The following MAP2K2 variants were observed in gnomAD, a reference collection of about 807,000 sequenced individuals.
MAP2K2 encodes mitogen-activated protein kinase kinase 2, also known as dual specificity mitogen-activated protein kinase kinase 2.
A neutral mutation model predicts 43.7 loss-of-function variants in MAP2K2; 24 were observed. The ratio of observed to expected loss-of-function variants is 0.55; its 90% CI spans 0.40 to 0.77. MAP2K2 has a LOEUF of 0.77. Ranked by LOEUF, MAP2K2 falls within the 30% of genes least tolerant of loss-of-function variation. The probability of loss-of-function intolerance (pLI) is 0.00; values close to 1 mark genes in which losing one functional copy is unlikely to be tolerated. For synonymous variants in MAP2K2, 244 were observed against 239.7 expected (o/e 1.02, Z -0.17); for missense variants, 470 against 566.8 (o/e 0.83, Z 1.73).
chr19:4,121,534 C>T lies in MAP2K2; in HGVS notation c.92+2250G>A, dbSNP rs546011351. Among the ~76,000 whole-genome samples the T allele has an allele frequency of 8.5e-5, 12 of 140,602 alleles. No individual in the cohort carries two copies. In the East Asian group the frequency reaches 2.7e-3, roughly 31 times the overall value. 92.2% of individuals were successfully genotyped at this position (140,602 alleles called of 152,430 possible). A position where few individuals can be genotyped will look rare whatever the true frequency, so the allele number is the denominator to read the frequency against. On this transcript the variant is annotated intron_variant, in intron 1 of 10. Coordinates refer to ENST00000262948, the MANE Select transcript of MAP2K2 (RefSeq NM_030662.4). ...CCCCTCAGAACCCCAACATGAGACC[C>T]CTAGGACCCCCTGCTCTGCCCTCCC...
chr19:4,123,673 AC>A (rs1270733297), intron 1 of MAP2K2, 110 bp downstream of exon 1: 19 of 199,182 alleles, frequency 9.5e-5, no homozygotes, highest in African/African-American at 2.3e-4. Context: ...CTCCCCCGTG[AC>A]CCCCCTGCCT....
At chr19:4,108,166 G>A (rs886937213) in intron 3 of MAP2K2, among the ~76,000 whole-genome samples, 1 of 152,236 alleles carries the variant, frequency 6.6e-6, no homozygotes, top group Non-Finnish European at 1.5e-5. Context: ...CCCCTTGGAT[G>A]ACTTTACTTC....
chr19:4,096,718 C>T (rs1007254927), intron 8 of MAP2K2, among the ~76,000 whole-genome samples: 5 of 152,190 alleles, frequency 3.3e-5, no homozygotes, highest in Non-Finnish European at 4.4e-5. Flanking sequence ...TCCACGCCCA[C>T]GGGCGCCAGG....
chr19:4,107,666 C>T (rs1022534067), intron 3 of MAP2K2, among the ~76,000 whole-genome samples: 5 of 151,992 alleles, frequency 3.3e-5, no homozygotes, highest in Non-Finnish European at 4.4e-5. Flanking sequence ...AGGATCATGC[C>T]ACTGCACTCC....
intron 3 of MAP2K2, among the ~76,000 whole-genome samples, chr19:4,104,002 G>C (rs1032617144): frequency 3.3e-5 from 5 of 152,290 alleles, no homozygotes; most frequent in Admixed American, 3.3e-4. Flanking sequence ...GGTGACTCAC[G>C]CCTGTAATGC....
intron 2 of MAP2K2, among the ~76,000 whole-genome samples, chr19:4,113,120 T>A (rs1032442454): frequency 6.6e-6 from 1 of 152,082 alleles, no homozygotes; most frequent in Non-Finnish European, 1.5e-5. Context: ...GAGCGCGCGT[T>A]CGGCTGGCCG....
chr19:4,101,304 C>T lies in MAP2K2; in HGVS notation c.529-24G>A, dbSNP rs1311346294. The stretch of plus-strand genomic sequence containing the variant: ...ACCTGCAGGGGAGCGCGGAGGGAGT[C>T]ACGGGACAAGGCCACCAGGGCTTAG... On this transcript the variant is annotated intron_variant, in intron 4 of 10. Transcript: ENST00000262948. This position sits in a 1 kb window ranked among gnomAD's most constrained non-coding sequence, Gnocchi z 6.3. The T allele has an allele frequency of 1.3e-6, 2 of 1,567,290 alleles. No individual in the cohort carries two copies. Among genetic ancestry groups the T allele is most frequent in the Non-Finnish European group, 1.7e-6 (2 of 1,156,550 alleles).
chr19:4,094,693 G>C (rs1405567150), intron 9 of MAP2K2, 195 bp from the exon 10 acceptor site: 3 of 608,488 alleles, frequency 4.9e-6, no homozygotes, highest in Non-Finnish European at 8.8e-6. Context: ...CTGCACTTTG[G>C]TGCCAGGGGC....
intron 3 of MAP2K2, among the ~76,000 whole-genome samples, chr19:4,107,523 C>CAAAAAA (rs71166959): frequency 3.7e-4 from 22 of 59,266 alleles, no homozygotes; most frequent in African/African-American, 7.8e-4. Flanking sequence ...GACTCCGTCT[C>CAAAAAA]AAAAAAAAAA....
rs1281456519 is a variant in MAP2K2 at position 4,101,171 on chromosome 19, G to T, written c.581-28C>A. ...GGAGGCGGCAGGCTGCGGGTGAGGGGCGCCCAACAGTTGCCTGCCGGCCCC... is the reference window on the plus strand; with the variant it reads ...GGAGGCGGCAGGCTGCGGGTGAGGGTCGCCCAACAGTTGCCTGCCGGCCCC... On this transcript the variant is annotated intron_variant, in intron 5 of 10. Transcript: ENST00000262948. This position sits in a 1 kb window ranked among gnomAD's most constrained non-coding sequence, Gnocchi z 6.3. The T allele has an allele frequency of 5.0e-6, 8 of 1,603,054 alleles. No homozygotes were observed. Among genetic ancestry groups the T allele is most frequent in the Non-Finnish European group, 6.8e-6 (8 of 1,175,426 alleles).
Position 4,115,913 on chromosome 19 carries a change from C to T in MAP2K2, c.303+1506G>A, listed in dbSNP as rs1171705457. Among the ~76,000 whole-genome samples the T allele has an allele frequency of 6.6e-6, 1 of 152,190 alleles. No individual in the cohort carries two copies. ...TTCTGTGTTTAAGAGCCACTGTCCC[C>T]AAGTGGTCACATCCTCCCTGTATCC... is the stretch of plus-strand genomic sequence containing the variant. On this transcript the variant is annotated intron_variant, in intron 2 of 10. Coordinates refer to ENST00000262948, the MANE Select transcript of MAP2K2 (RefSeq NM_030662.4). This position sits in a 1 kb window ranked among gnomAD's most constrained non-coding sequence, Gnocchi z 4.1.
At chr19:4,105,629 C>T (rs376571510) in intron 3 of MAP2K2, among the ~76,000 whole-genome samples, 1 of 152,144 alleles carries the variant, frequency 6.6e-6, no homozygotes, top group East Asian at 1.9e-4. Context: ...CGCCGCATCA[C>T]TTCCACCATT....
At chr19:4,097,443 T>A (rs2145046797) in intron 7 of MAP2K2, 100 bp from the exon 8 acceptor site, 2 of 847,298 alleles carry the variant, frequency 2.4e-6, no homozygotes, top group Non-Finnish European at 4.0e-6. Context: ...GGCGCCCTCC[T>A]CCACATGCCA....
At position 4,110,526 on chromosome 19, in the gene MAP2K2, T is replaced by C. The variant is rs2041140457; in HGVS notation, c.433A>G (p.Ile145Val). 1 of 1,613,758 alleles carries C rather than the reference T, an allele frequency of 6.2e-7. No homozygotes were observed. Among genetic ancestry groups the C allele is most frequent in the Non-Finnish European group, 8.5e-7 (1 of 1,180,020 alleles). The change falls in exon 3 of 11, where the codon ATT (isoleucine) becomes GTT (valine). Residue 145 changes from isoleucine (I) to valine (V), a missense_variant. Coordinates refer to ENST00000262948, the MANE Select transcript of MAP2K2 (RefSeq NM_030662.4). Reference sequence around the variant, plus strand: ...GCACTCACCATGTGTTCCATGCAAATGCTGATCTCCCCGTCACTGTAGAAG... The same window carrying C: ...GCACTCACCATGTGTTCCATGCAAACGCTGATCTCCCCGTCACTGTAGAAG... ...GAFYSDGEIS[I>V]CMEHMDGGSL... is the part of the protein sequence containing the mutation.
chr19:4,117,790 CAT>C (rs2041243959), intron 1 of MAP2K2, among the ~76,000 whole-genome samples, 161 bp from the exon 2 acceptor site: 1 of 152,170 alleles, frequency 6.6e-6, no homozygotes, highest in Non-Finnish European at 1.5e-5. Context: ...TGTGTACCCC[CAT>C]AGACACACCA....
At position 4,124,046 on chromosome 19, in the gene MAP2K2, C is replaced by G. The variant is rs1223086153; in HGVS notation, c.-171G>C. 4.9e-6 allele frequency: 1 copy of G among 202,428 alleles called. No individual in the cohort carries two copies. Among genetic ancestry groups the G allele is most frequent in the Non-Finnish European group, 9.9e-6 (1 of 100,570 alleles). The allele number at this position is 202,428 out of a possible 1,614,324, so 12.5% of individuals were successfully genotyped here. On this transcript the variant is annotated 5_prime_UTR_variant, in exon 1 of 11. Transcript: ENST00000262948. Reference sequence around the variant, plus strand: ...GCCTGGGCCGAGGGTAGCCGAGGGGCGCTGGGGCTGAGGCGAGCGAGCCGC... The same window carrying G: ...GCCTGGGCCGAGGGTAGCCGAGGGGGGCTGGGGCTGAGGCGAGCGAGCCGC...
At chr19:4,107,765 T>C (rs2041103507) in intron 3 of MAP2K2, among the ~76,000 whole-genome samples, 2 of 151,846 alleles carry the variant, frequency 1.3e-5, no homozygotes, top group South Asian at 4.1e-4. Flanking sequence ...CATAGAAATA[T>C]GAGGAAACAG....
chr19:4,116,604 A>G (rs548080575), intron 2 of MAP2K2, among the ~76,000 whole-genome samples: 142 of 152,270 alleles, frequency 9.3e-4, no homozygotes, highest in African/African-American at 3.3e-3. Flanking sequence ...TCACTGTGCA[A>G]ACACTGGAAA....
intron 9 of MAP2K2, chr19:4,095,176 C>T (rs1444848882): frequency 5.3e-6 from 3 of 565,108 alleles, no homozygotes; most frequent in Non-Finnish European, 9.6e-6. Flanking sequence ...CCTGCTTCAC[C>T]CCTGGGCTCA....
Sources: gnomAD v4.1 joint callset for allele counts (sites outside exome capture counted in the v4.1 genomes callset) on GRCh38, gnomAD v4.1.1 for gene constraint, Gnocchi (gnomAD v3.1) non-coding constraint, MANE v1.5 for transcripts, NCBI Gene and HGNC (gene_info 2026-07-23, HGNC 2026-07-21) for gene names.